The following OPHN1 variants were observed in gnomAD, a reference collection of about 807,000 sequenced individuals.
The protein encoded by OPHN1 is oligophrenin 1, also known as oligophrenin-1.
OPHN1 carries 11 observed loss-of-function variants against 60.7 expected under a neutral mutation model. The ratio of observed to expected loss-of-function variants is 0.18; its 90% CI spans 0.11 to 0.30. The LOEUF is 0.30. Ranked by LOEUF, OPHN1 falls within the 10% of genes least tolerant of loss-of-function variation. The pLI, the probability that OPHN1 is intolerant of heterozygous loss-of-function variation, is 1.00. For missense variants in OPHN1, 449 were observed against 611.0 expected (o/e 0.73, Z 2.80); for synonymous variants, 226 against 222.6 (o/e 1.02, Z -0.14).
intron 6 of OPHN1, among the ~76,000 whole-genome samples, chrX:68,216,122 G>A (rs1469005898): frequency 2.7e-5 from 3 of 111,411 alleles, no homozygotes; most frequent in Non-Finnish European, 5.7e-5. Flanking sequence ...GAAATAGTCT[G>A]TTGATCCTGT....
At chrX:68,244,079 A>G (rs1338159711) in intron 5 of OPHN1, among the ~76,000 whole-genome samples, 1 of 112,296 alleles carries the variant, frequency 8.9e-6, no homozygotes, top group Non-Finnish European at 1.9e-5. Context: ...GGGCCAGAAC[A>G]CTCTCTCATC....
chrX:68,210,597 C>T (rs1321442979), intron 8 of OPHN1, among the ~76,000 whole-genome samples: 1 of 111,911 alleles, frequency 8.9e-6, no homozygotes, highest in Non-Finnish European at 1.9e-5. Context: ...GACTGATACC[C>T]TGCTTTACAA....
chrX:68,219,559 A>T (rs866188711), intron 6 of OPHN1, among the ~76,000 whole-genome samples: 1 of 110,221 alleles, frequency 9.1e-6, no homozygotes, highest in African/African-American at 3.3e-5. Flanking sequence ...ATGTAAAAGA[A>T]CAGAAATTAT....
chrX:68,278,906 T>A lies in OPHN1; in HGVS notation c.313-4097A>T, dbSNP rs762742262. On this transcript the variant is annotated intron_variant, in intron 4 of 24. Coordinates refer to ENST00000355520, the MANE Select transcript of OPHN1 (RefSeq NM_002547.3). ...GTCACAAAAAATAAAATAAAAAAAATTTTTTTTTAAAAAAAGAGCACTAAA... is the reference window on the plus strand; with the variant it reads ...GTCACAAAAAATAAAATAAAAAAAAATTTTTTTTAAAAAAAGAGCACTAAA... 7.7e-3 allele frequency among the ~76,000 whole-genome samples: 833 copies of A among 108,367 alleles called. 3 individuals carry two copies. The highest frequency in any genetic ancestry group is 0.013 in the Admixed American group (136 of 10,172). The allele number at this position is 108,367 out of a possible 115,157, so 94.1% of individuals were successfully genotyped here.
chrX:68,062,356 T>C (rs1474150245), intron 21 of OPHN1, among the ~76,000 whole-genome samples: 5 of 112,759 alleles, frequency 4.4e-5, no homozygotes, highest in Non-Finnish European at 9.4e-5. Flanking sequence ...AAAGCAGCCA[T>C]AGACAACATG....
intron 3 of OPHN1, among the ~76,000 whole-genome samples, chrX:68,289,601 A>G (rs1416657156): frequency 1.8e-5 from 2 of 112,195 alleles, no homozygotes; most frequent in Admixed American, 9.5e-5. Context: ...TGTAATCTCA[A>G]CACTTTGGGA....
chrX:68,351,117 C>CG (rs1281777733), intron 2 of OPHN1, among the ~76,000 whole-genome samples: 1 of 110,266 alleles, frequency 9.1e-6, no homozygotes, highest in Non-Finnish European at 1.9e-5. Context: ...TTAGTAGAGA[C>CG]GGGGTTTCAC....
chrX:68,378,799 T>C (rs2078576732), intron 2 of OPHN1, among the ~76,000 whole-genome samples: 1 of 111,612 alleles, frequency 9.0e-6, no homozygotes, highest in African/African-American at 3.3e-5. Flanking sequence ...TATATCTCTG[T>C]TTTGGTACCA....
chrX:68,407,875 TAA>T (rs922102431), intron 2 of OPHN1, among the ~76,000 whole-genome samples: 15 of 112,943 alleles, frequency 1.3e-4, no homozygotes, highest in African/African-American at 4.5e-4. Flanking sequence ...TCAATTTAAA[TAA>T]AGTTTATCCC....
chrX:68,189,962 C>T (rs2077480854), intron 15 of OPHN1, among the ~76,000 whole-genome samples: 1 of 108,198 alleles, frequency 9.2e-6, no homozygotes, highest in South Asian at 4.1e-4. Flanking sequence ...TTTTGACTAG[C>T]ACAGAGCATG....
chrX:68,367,018 G>T (rs1212307657), intron 2 of OPHN1, among the ~76,000 whole-genome samples: 2 of 110,651 alleles, frequency 1.8e-5, no homozygotes, highest in African/African-American at 6.6e-5. Context: ...TCAGCAAAAT[G>T]GTGGACCAGG....
At chrX:68,254,842 C>G (rs1461623152) in intron 5 of OPHN1, among the ~76,000 whole-genome samples, 2 of 108,962 alleles carry the variant, frequency 1.8e-5, no homozygotes, top group African/African-American at 6.7e-5. Context: ...CATGGTGAAA[C>G]CCCGTCTCTG....
At chrX:68,112,050 CAT>C (rs2077106455) in intron 17 of OPHN1, 91 bp from the exon 18 acceptor site, 2 of 451,546 alleles carry the variant, frequency 4.4e-6, no homozygotes, top group African/African-American at 3.6e-5. Flanking sequence ...AACACACACA[CAT>C]GCACACATGC....
Position 68,234,820 on chromosome X carries a change from G to A in OPHN1, c.385-232C>T, listed in dbSNP as rs1212032330. On this transcript the variant is annotated intron_variant, in intron 5 of 24. Coordinates refer to ENST00000355520, the MANE Select transcript of OPHN1 (RefSeq NM_002547.3). ...AGAAATGGCAGTCCCTATTTTTACA[G>A]CTGAAAGCTATGGAAGCTGCTCCTT... 2.7e-5 allele frequency among the ~76,000 whole-genome samples: 3 copies of A among 112,226 alleles called. No individual in the cohort carries two copies. The East Asian group carries it at 8.4e-4, about 32-fold the overall frequency.
At chrX:68,202,522 C>T (rs1261427779) in intron 10 of OPHN1, among the ~76,000 whole-genome samples, 4 of 108,500 alleles carry the variant, frequency 3.7e-5, no homozygotes, top group African/African-American at 1.3e-4. Context: ...TTTTTTGAGA[C>T]GTAGTCTTGC....
intron 2 of OPHN1, among the ~76,000 whole-genome samples, chrX:68,423,756 T>C (rs1268731124): frequency 1.8e-5 from 2 of 112,400 alleles, no homozygotes; most frequent in Non-Finnish European, 3.7e-5. Context: ...GTGTCAGTAC[T>C]TCATTACTTT....
At chrX:68,258,421 A>ACCCCCCC (rs2077876703) in intron 5 of OPHN1, among the ~76,000 whole-genome samples, 1 of 21,864 alleles carries the variant, frequency 4.6e-5, no homozygotes, top group African/African-American at 1.6e-4. Context: ...CCAACCCCCC[A>ACCCCCCC]CCCCACAACA....
chrX:68,382,546 A>C (rs1338582948), intron 2 of OPHN1, among the ~76,000 whole-genome samples: 2 of 110,720 alleles, frequency 1.8e-5, no homozygotes, highest in Non-Finnish European at 3.8e-5. Flanking sequence ...AAATGAGATA[A>C]CAAAGGCAAG....
In OPHN1 at chrX:68,107,917, T is replaced by G. The variant is rs770723135; in HGVS notation, c.1526+3937A>C. Among the ~76,000 whole-genome samples the G allele has an allele frequency of 2.5e-4, 28 of 112,208 alleles. No individual in the cohort carries two copies. The Admixed American group carries it at 2.7e-3, about 11-fold the overall frequency. The stretch of plus-strand genomic sequence containing the variant: ...ATACACTGGAATAATGTGAACATCC[T>G]ATTCCTCAATACTCTTGCCCAATAG... On this transcript the variant is annotated intron_variant, in intron 18 of 24. Coordinates refer to ENST00000355520, the MANE Select transcript of OPHN1 (RefSeq NM_002547.3).
Sources: gnomAD v4.1 joint callset for allele counts (sites outside exome capture counted in the v4.1 genomes callset) on GRCh38, gnomAD v4.1.1 for gene constraint, MANE v1.5 for transcripts, NCBI Gene and HGNC (gene_info 2026-07-23, HGNC 2026-07-21) for gene names.